The following CATSPERB variants were observed in gnomAD, a reference collection of about 807,000 sequenced individuals.
The protein encoded by CATSPERB is cation channel sperm-associated auxiliary subunit beta.
A neutral mutation model predicts 128.3 loss-of-function variants in CATSPERB; 93 were observed. The observed-to-expected ratio is 0.72, with a 90% CI of 0.61 to 0.86. CATSPERB has a LOEUF of 0.86. Among genes scored for constraint, CATSPERB ranks in the 40% least tolerant of loss-of-function variants. The pLI is 0.00. For synonymous variants in CATSPERB, 381 were observed against 448.8 expected (o/e 0.85, Z 1.91); for missense variants, 1,153 against 1,329.5 (o/e 0.87, Z 2.06).
chr14:91,604,878 T>C (rs1704654), intron 22 of CATSPERB: 990,937 of 1,344,596 alleles, frequency 0.74, 369,303 homozygotes, highest in East Asian at 0.97. Flanking sequence ...TTAGATTTCA[T>C]TCTCTGGTTC....
At chr14:91,653,926 C>A (rs1342937824) in intron 15 of CATSPERB, among the ~76,000 whole-genome samples, 1 of 152,192 alleles carries the variant, frequency 6.6e-6, no homozygotes, top group East Asian at 1.9e-4. Flanking sequence ...CAAGTCCTAT[C>A]TAAATGAGGT....
intron 20 of CATSPERB, among the ~76,000 whole-genome samples, chr14:91,612,812 T>A (rs1239665429): frequency 6.6e-6 from 1 of 152,084 alleles, no homozygotes; most frequent in African/African-American, 2.4e-5. Context: ...AATACAGAGG[T>A]CTAATGGCAA....
chr14:91,714,746 G>A (rs189925361), intron 5 of CATSPERB, among the ~76,000 whole-genome samples: 2 of 152,038 alleles, frequency 1.3e-5, no homozygotes, highest in Admixed American at 1.3e-4. Context: ...TTTTAGTAGA[G>A]ATGGGGTTTC....
chr14:91,649,501 CTT>C (rs11433742), intron 15 of CATSPERB, among the ~76,000 whole-genome samples: 23 of 145,458 alleles, frequency 1.6e-4, no homozygotes, highest in Admixed American at 1.4e-4. Context: ...ATTGTACACA[CTT>C]TTTTTTTTTT....
chr14:91,621,020 G>A (rs1029951186), intron 19 of CATSPERB, among the ~76,000 whole-genome samples: 1 of 152,142 alleles, frequency 6.6e-6, no homozygotes, highest in Non-Finnish European at 1.5e-5. Flanking sequence ...TGTCAACTTG[G>A]GCTGGTAGCA....
intron 3 of CATSPERB, among the ~76,000 whole-genome samples, chr14:91,724,737 A>C (rs1411722062): frequency 6.6e-6 from 1 of 152,194 alleles, no homozygotes; most frequent in Non-Finnish European, 1.5e-5. Flanking sequence ...ACAGATTTTC[A>C]AGGTCATGTG....
chr14:91,721,232 C>G (rs1483128987), intron 4 of CATSPERB, among the ~76,000 whole-genome samples: 1 of 152,118 alleles, frequency 6.6e-6, no homozygotes, highest in African/African-American at 2.4e-5. Flanking sequence ...ATACAGCCGA[C>G]TTCATTAAGA....
At chr14:91,668,914 G>A (rs1012715050) in intron 14 of CATSPERB, among the ~76,000 whole-genome samples, 2 of 152,336 alleles carry the variant, frequency 1.3e-5, no homozygotes, top group African/African-American at 4.8e-5. Flanking sequence ...AGGGTCCGCA[G>A]ATTCATTCTT....
intron 21 of CATSPERB, 29 bp from the exon 22 acceptor site, chr14:91,608,433 C>G: frequency 8.2e-7 from 1 of 1,225,256 alleles, no homozygotes; most frequent in South Asian, 1.3e-5. Flanking sequence ...AGAAAATGTA[C>G]AATTCATTAT....
intron 11 of CATSPERB, among the ~76,000 whole-genome samples, chr14:91,674,854 A>G (rs1213085548): frequency 1.3e-5 from 2 of 152,192 alleles, no homozygotes; most frequent in African/African-American, 4.8e-5. Flanking sequence ...CAAGATAGCC[A>G]CTGGGACAGG....
intron 14 of CATSPERB, among the ~76,000 whole-genome samples, chr14:91,661,096 A>G (rs1375815281): frequency 6.6e-6 from 1 of 152,184 alleles, no homozygotes; most frequent in Admixed American, 6.5e-5. Flanking sequence ...GATCCAAAGC[A>G]TATGGTATGT....
At chr14:91,588,870 T>C (rs1271974112) in intron 24 of CATSPERB, among the ~76,000 whole-genome samples, 1 of 152,196 alleles carries the variant, frequency 6.6e-6, no homozygotes. Flanking sequence ...ATTTCAAAAA[T>C]GCATATATGT....
rs559494495 is a variant in CATSPERB, at chr14:91,622,560, C to G, written c.1931-623G>C. 5.6e-4 allele frequency among the ~76,000 whole-genome samples: 86 copies of G among 152,250 alleles called. 1 individual carries two copies. The highest frequency in any genetic ancestry group is 1.6e-3 in the Admixed American group (25 of 15,286). ...GCTGTTGAAATGAGAGGGAAGTAATCATTATCAAAATATTTTTGATAGGTC... is the reference window on the plus strand; with the variant it reads ...GCTGTTGAAATGAGAGGGAAGTAATGATTATCAAAATATTTTTGATAGGTC... On this transcript the variant is annotated intron_variant, in intron 18 of 26. Transcript: ENST00000256343.
At chr14:91,604,875 T>C (rs1893670730) in intron 22 of CATSPERB, 3 of 1,382,550 alleles carry the variant, frequency 2.2e-6, no homozygotes, top group Admixed American at 3.4e-5. Context: ...CTCTTAGATT[T>C]CATTCTCTGG....
chr14:91,716,950 G>A (rs145466770), intron 5 of CATSPERB, among the ~76,000 whole-genome samples: 37 of 152,324 alleles, frequency 2.4e-4, no homozygotes, highest in East Asian at 7.7e-4. Flanking sequence ...AAACCTGTAT[G>A]AGATTGTTTG....
At chr14:91,612,063 TCTTC>T (rs34518956) in intron 20 of CATSPERB, among the ~76,000 whole-genome samples, 27,343 of 83,672 alleles carry the variant, frequency 0.33, 2,919 homozygotes, top group Admixed American at 0.38. Context: ...TTTCTTTCTT[TCTTC>T]CTTTTTTTAA....
At chr14:91,593,666 GC>G (rs967656990) in intron 22 of CATSPERB, among the ~76,000 whole-genome samples, 11 of 152,180 alleles carry the variant, frequency 7.2e-5, no homozygotes, top group African/African-American at 2.2e-4. Flanking sequence ...GAAGGGACTT[GC>G]CTTGTCTCAC....
chr14:91,652,728 G>A (rs573053312), intron 15 of CATSPERB, among the ~76,000 whole-genome samples: 1 of 149,434 alleles, frequency 6.7e-6, no homozygotes, highest in African/African-American at 2.5e-5. Context: ...GAGGCAAGAG[G>A]GAGCTTTCTG....
At chr14:91,646,491 C>T (rs542123552) in intron 15 of CATSPERB, among the ~76,000 whole-genome samples, 1 of 152,210 alleles carries the variant, frequency 6.6e-6, no homozygotes, top group Non-Finnish European at 1.5e-5. Context: ...CATCCACTCT[C>T]CTCATCAAAA....
Sources: gnomAD v4.1 joint callset for allele counts (sites outside exome capture counted in the v4.1 genomes callset) on GRCh38, gnomAD v4.1.1 for gene constraint, MANE v1.5 for transcripts, NCBI Gene and HGNC (gene_info 2026-07-23, HGNC 2026-07-21) for gene names.